DCC: variants seen among roughly 807,000 people sequenced by gnomAD.
The protein encoded by DCC is netrin receptor DCC.
A neutral mutation model predicts 172.5 loss-of-function variants in DCC; 58 were observed. That is an observed-to-expected ratio of 0.34 (90% CI 0.27 to 0.42). DCC has a LOEUF of 0.42. Ranked by LOEUF, DCC falls within the 10% of genes least tolerant of loss-of-function variation. DCC has a pLI of 1.00. For synonymous variants in DCC, 709 were observed against 644.5 expected (o/e 1.10, Z -1.52); for missense variants, 1,740 against 1,791.0 (o/e 0.97, Z 0.51).
At chr18:53,406,911 A>G (rs1441841007) in intron 19 of DCC, among the ~76,000 whole-genome samples, 1 of 152,036 alleles carries the variant, frequency 6.6e-6, no homozygotes, top group Non-Finnish European at 1.5e-5. Flanking sequence ...TAGACTTTTG[A>G]ATGATGAGGT....
chr18:52,352,360 C>T (rs1421982450), intron 1 of DCC, among the ~76,000 whole-genome samples: 1 of 152,150 alleles, frequency 6.6e-6, no homozygotes, highest in East Asian at 1.9e-4. Context: ...GGTAGTCAGA[C>T]TCCAATGGCA....
intron 8 of DCC, among the ~76,000 whole-genome samples, chr18:53,166,644 T>C (rs994828516): frequency 2.6e-5 from 4 of 152,190 alleles, no homozygotes; most frequent in Admixed American, 2.0e-4. Flanking sequence ...GTGTATTAGA[T>C]GTTGAAGCAG....
intron 2 of DCC, among the ~76,000 whole-genome samples, chr18:52,753,508 T>A (rs2037031756): frequency 6.6e-6 from 1 of 152,222 alleles, no homozygotes; most frequent in Non-Finnish European, 1.5e-5. Flanking sequence ...AATGCTAAAC[T>A]TTTGCAGAGT....
At chr18:53,097,834 A>T (rs2043109206) in intron 7 of DCC, among the ~76,000 whole-genome samples, 1 of 152,230 alleles carries the variant, frequency 6.6e-6, no homozygotes, top group East Asian at 1.9e-4. Flanking sequence ...GAGAGATTTG[A>T]TGTCTCTTCC....
intron 2 of DCC, among the ~76,000 whole-genome samples, chr18:52,886,117 G>C (rs1227801334): frequency 6.6e-6 from 1 of 151,860 alleles, no homozygotes; most frequent in African/African-American, 2.4e-5. Flanking sequence ...CACTGCCTGG[G>C]GTTGGGAGAA....
chr18:53,392,875 T>G (rs1908651896), intron 17 of DCC, among the ~76,000 whole-genome samples: 1 of 152,170 alleles, frequency 6.6e-6, no homozygotes, highest in African/African-American at 2.4e-5. Flanking sequence ...AAAAACACAT[T>G]TAGAACTTAA....
chr18:52,684,321 T>C (rs1226385837), intron 1 of DCC, among the ~76,000 whole-genome samples: 2 of 152,008 alleles, frequency 1.3e-5, no homozygotes, highest in African/African-American at 2.4e-5. Flanking sequence ...AATTTAAAAA[T>C]GTGACTGAAT....
chr18:53,130,460 ACT>A (rs753660341), intron 7 of DCC, among the ~76,000 whole-genome samples: 1 of 151,846 alleles, frequency 6.6e-6, no homozygotes, highest in Non-Finnish European at 1.5e-5. Context: ...CCGTCTCAAA[ACT>A]CTGTCTTCCT....
rs201595849 is a variant in DCC at position 52,836,193 on chromosome 18, T to G, written c.413-69851T>G. ...ATTCAGTTATCTCCACCTGGTCCCT[T>G]TCATGACATGGGATTATGGGAACTA... On this transcript the variant is annotated intron_variant, in intron 2 of 28. Transcript: ENST00000442544. 2.6e-5 allele frequency among the ~76,000 whole-genome samples: 4 copies of G among 152,194 alleles called. No homozygotes were observed. The East Asian group carries it at 7.7e-4, about 29-fold the overall frequency.
intron 17 of DCC, among the ~76,000 whole-genome samples, chr18:53,394,337 C>G (rs1908774598): frequency 6.6e-6 from 1 of 152,162 alleles, no homozygotes; most frequent in Non-Finnish European, 1.5e-5. Context: ...CCTCATTAAA[C>G]TAGAGCAGGA....
At chr18:53,488,058 A>G (rs1383845691) in intron 26 of DCC, among the ~76,000 whole-genome samples, 1 of 152,154 alleles carries the variant, frequency 6.6e-6, no homozygotes, top group Non-Finnish European at 1.5e-5. Context: ...TATTCGGTCT[A>G]TTGGTTTGTT....
chr18:52,764,713 G>GT (rs1487206972), intron 2 of DCC, among the ~76,000 whole-genome samples: 3 of 151,918 alleles, frequency 2.0e-5, no homozygotes, highest in Non-Finnish European at 2.9e-5. Context: ...CCAAATGAAC[G>GT]TTTTTTCTTT....
At chr18:52,417,241 C>A (rs576568634) in intron 1 of DCC, among the ~76,000 whole-genome samples, 1 of 152,068 alleles carries the variant, frequency 6.6e-6, no homozygotes, top group South Asian at 2.1e-4. Flanking sequence ...CCGAGAGATC[C>A]GCTGTTAGTC....
intron 1 of DCC, among the ~76,000 whole-genome samples, chr18:52,438,173 T>C (rs1345696972): frequency 1.3e-5 from 2 of 152,160 alleles, no homozygotes; most frequent in African/African-American, 4.8e-5. Flanking sequence ...TCCCATTCAA[T>C]ATACACACAC....
At chr18:53,111,127 T>C (rs1278027801) in intron 7 of DCC, among the ~76,000 whole-genome samples, 1 of 150,780 alleles carries the variant, frequency 6.6e-6, no homozygotes, top group Non-Finnish European at 1.5e-5. Flanking sequence ...GAAATCATCA[T>C]TGTCAGTAAG....
At chr18:52,362,663 C>A (rs1275211745) in intron 1 of DCC, among the ~76,000 whole-genome samples, 2 of 151,648 alleles carry the variant, frequency 1.3e-5, no homozygotes, top group Admixed American at 6.6e-5. Context: ...ATCAGAGGAA[C>A]CTTAAAAAAA....
intron 5 of DCC, among the ~76,000 whole-genome samples, chr18:53,017,265 A>G (rs2041821779): frequency 6.6e-6 from 1 of 152,062 alleles, no homozygotes; most frequent in Non-Finnish European, 1.5e-5. Context: ...TAATTTTCTT[A>G]TGCTTCATAA....
At chr18:52,600,463 C>T (rs919024805) in intron 1 of DCC, among the ~76,000 whole-genome samples, 3 of 151,852 alleles carry the variant, frequency 2.0e-5, no homozygotes, top group African/African-American at 4.8e-5. Flanking sequence ...TATTTTTTTT[C>T]AAAAAGTTTT....
intron 1 of DCC, among the ~76,000 whole-genome samples, chr18:52,621,776 G>A (rs1197603836): frequency 1.3e-5 from 2 of 152,112 alleles, no homozygotes; most frequent in Non-Finnish European, 2.9e-5. Flanking sequence ...TTTTGGCCAA[G>A]GTTGTCTTGG....
Sources: gnomAD v4.1 joint callset for allele counts (sites outside exome capture counted in the v4.1 genomes callset) on GRCh38, gnomAD v4.1.1 for gene constraint, MANE v1.5 for transcripts, NCBI Gene and HGNC (gene_info 2026-07-23, HGNC 2026-07-21) for gene names.